F13A1: variants seen among roughly 807,000 people sequenced by gnomAD.
F13A1 encodes FSF, A subunit.
A neutral mutation model predicts 80.1 loss-of-function variants in F13A1; 47 were observed. The observed-to-expected ratio is 0.59, with a 90% CI of 0.46 to 0.75. The LOEUF (loss-of-function observed/expected upper bound fraction) is 0.75. Among genes scored for constraint, F13A1 ranks in the 30% least tolerant of loss-of-function variants. F13A1 has a pLI of 0.00. For missense variants in F13A1, 817 were observed against 930.4 expected (o/e 0.88, Z 1.59); for synonymous variants, 349 against 344.9 (o/e 1.01, Z -0.13).
intron 6 of F13A1, among the ~76,000 whole-genome samples, chr6:6,225,382 ACT>A (rs1757262190): frequency 6.6e-6 from 1 of 152,156 alleles, no homozygotes; most frequent in Non-Finnish European, 1.5e-5. Context: ...TGAGTGGTAG[ACT>A]CTAATGAATT....
chr6:6,148,570 A>G (rs1760323802), intron 14 of F13A1, among the ~76,000 whole-genome samples: 1 of 152,150 alleles, frequency 6.6e-6, no homozygotes, highest in African/African-American at 2.4e-5. Flanking sequence ...TGTTACATGG[A>G]TCTGGCGCTC....
At chr6:6,231,335 TC>T (rs1347732479) in intron 6 of F13A1, among the ~76,000 whole-genome samples, 1 of 151,496 alleles carries the variant, frequency 6.6e-6, no homozygotes. Context: ...AATTCAGAGC[TC>T]AAAGACAAGT....
intron 10 of F13A1, among the ~76,000 whole-genome samples, chr6:6,193,583 AG>A: frequency 6.6e-6 from 1 of 152,366 alleles, no homozygotes; most frequent in Non-Finnish European, 1.5e-5. Flanking sequence ...ACCCTCTGTC[AG>A]ACACGCCTCT....
At chr6:6,224,586 T>C in intron 7 of F13A1, 100 bp downstream of exon 7, 1 of 1,147,444 alleles carries the variant, frequency 8.7e-7, no homozygotes, top group East Asian at 2.4e-5. Flanking sequence ...TTCTATAGTG[T>C]CAACAGGGGC....
chr6:6,208,531 T>C (rs950594137), intron 8 of F13A1, among the ~76,000 whole-genome samples: 5 of 152,134 alleles, frequency 3.3e-5, no homozygotes, highest in Non-Finnish European at 7.4e-5. Context: ...ATGAAAGATA[T>C]TATTATGTAC....
At chr6:6,161,551 T>TGTGTGTGA (rs1010361754) in intron 13 of F13A1, among the ~76,000 whole-genome samples, 1 of 146,376 alleles carries the variant, frequency 6.8e-6, no homozygotes, top group African/African-American at 2.5e-5. Flanking sequence ...TGTGTGTGTG[T>TGTGTGTGA]GAGAGAGAGA....
At chr6:6,253,643 G>T (rs1334414652) in intron 4 of F13A1, among the ~76,000 whole-genome samples, 2 of 152,132 alleles carry the variant, frequency 1.3e-5, no homozygotes, top group Non-Finnish European at 2.9e-5. Flanking sequence ...CTGAGTAAGT[G>T]CTTATTGTTG....
intron 6 of F13A1, among the ~76,000 whole-genome samples, chr6:6,238,482 A>G (rs1215519368): frequency 6.6e-6 from 1 of 152,134 alleles, no homozygotes; most frequent in Non-Finnish European, 1.5e-5. Context: ...TGGAAAGAAC[A>G]TTTACTGGGG....
At position 6,193,974 on chromosome 6, in the gene F13A1, C is replaced by CTTTTGTGT. The variant is rs1180610379; in HGVS notation, c.1305+1815_1305+1822dup. Among the ~76,000 whole-genome samples the CTTTTGTGT allele has an allele frequency of 2.0e-5, 3 of 152,304 alleles. No homozygotes were observed. The East Asian group carries it at 5.8e-4, about 29-fold the overall frequency. On this transcript the variant is annotated intron_variant, in intron 10 of 14. Transcript: ENST00000264870. ...CAGGTACGATGAGATGAACACTGGT[C>CTTTTGTGT]TTTTGTGTGTTTCAAATTCCTGATC...
intron 10 of F13A1, among the ~76,000 whole-genome samples, chr6:6,182,447 T>G (rs1056911431): frequency 2.6e-5 from 4 of 152,156 alleles, no homozygotes; most frequent in African/African-American, 9.7e-5. Flanking sequence ...GAGAAGACAA[T>G]GCCATGCCAC....
intron 2 of F13A1, among the ~76,000 whole-genome samples, chr6:6,311,919 CATATATA>C (rs1166867928): frequency 6.8e-6 from 1 of 146,282 alleles, no homozygotes; most frequent in Non-Finnish European, 1.5e-5. Flanking sequence ...ATATTGTTTA[CATATATA>C]ATATATAGTT....
intron 4 of F13A1, among the ~76,000 whole-genome samples, chr6:6,254,733 A>C (rs1357814262): frequency 6.6e-6 from 1 of 152,202 alleles, no homozygotes; most frequent in Non-Finnish European, 1.5e-5. Context: ...GAAAAGAACA[A>C]TATATTCAAT....
At chr6:6,283,598 T>A (rs1179474044) in intron 3 of F13A1, among the ~76,000 whole-genome samples, 5 of 152,116 alleles carry the variant, frequency 3.3e-5, no homozygotes, top group African/African-American at 7.2e-5. Context: ...TTTCGAAATT[T>A]AAAAAAAACT....
intron 4 of F13A1, among the ~76,000 whole-genome samples, chr6:6,258,574 A>G (rs940777829): frequency 2.0e-5 from 3 of 152,034 alleles, no homozygotes; most frequent in African/African-American, 7.2e-5. Context: ...TTGCACCTCA[A>G]TCCTGGGGTC....
chr6:6,244,539 C>A (rs1757529316), intron 6 of F13A1, among the ~76,000 whole-genome samples: 1 of 152,136 alleles, frequency 6.6e-6, no homozygotes. Context: ...ACTCCAATAG[C>A]CCCAGGCTGT....
At chr6:6,270,622 T>C (rs145246249) in intron 3 of F13A1, among the ~76,000 whole-genome samples, 1,625 of 152,304 alleles carry the variant, frequency 0.011, 9 homozygotes, top group Middle Eastern at 0.031. Context: ...GAGGGCGTCA[T>C]GTGTGCACAT....
At chr6:6,177,378 TCTTC>T (rs1260423206) in intron 11 of F13A1, among the ~76,000 whole-genome samples, 1 of 152,168 alleles carries the variant, frequency 6.6e-6, no homozygotes, top group Admixed American at 6.5e-5. Context: ...TTTTATTTCC[TCTTC>T]CTTGTCACAG....
At chr6:6,267,269 A>G (rs1021030240) in intron 3 of F13A1, among the ~76,000 whole-genome samples, 2 of 152,238 alleles carry the variant, frequency 1.3e-5, no homozygotes, top group African/African-American at 4.8e-5. Flanking sequence ...CTTTGCTATT[A>G]GGGATATAGG....
chr6:6,191,136 G>A (rs570276423), intron 10 of F13A1, among the ~76,000 whole-genome samples: 3 of 152,346 alleles, frequency 2.0e-5, no homozygotes, highest in Non-Finnish European at 4.4e-5. Flanking sequence ...GCACTCCCTA[G>A]TGAGATGAAC....
Sources: gnomAD v4.1 joint callset for allele counts (sites outside exome capture counted in the v4.1 genomes callset) on GRCh38, gnomAD v4.1.1 for gene constraint, MANE v1.5 for transcripts, NCBI Gene and HGNC (gene_info 2026-07-23, HGNC 2026-07-21) for gene names.